The following NEK10 variants were observed in gnomAD, a reference collection of about 807,000 sequenced individuals.
The protein encoded by NEK10 is NIMA related kinase 10.
NEK10 carries 122 observed loss-of-function variants against 159.8 expected under a neutral mutation model. The observed-to-expected ratio is 0.76, with a 90% CI of 0.66 to 0.89. NEK10 has a LOEUF of 0.89. NEK10 is among the 40% of genes least tolerant of loss of function. The probability of loss-of-function intolerance (pLI) is 0.00; values close to 1 mark genes in which losing one functional copy is unlikely to be tolerated. For synonymous variants in NEK10, 466 were observed against 457.1 expected (o/e 1.02, Z -0.25); for missense variants, 1,342 against 1,323.1 (o/e 1.01, Z -0.22).
intron 9 of NEK10, chr3:27,310,651 G>A (rs2044618050): frequency 3.6e-6 from 1 of 277,274 alleles, no homozygotes; most frequent in South Asian, 1.1e-4. Context: ...CACCTAGGGT[G>A]TATTTATACA....
intron 1 of NEK10, among the ~76,000 whole-genome samples, chr3:27,365,610 G>GTTTTTTTTTTTTTTTTTTTTTTTGTTT (rs71091129): frequency 1.0e-5 from 1 of 99,106 alleles, no homozygotes; most frequent in African/African-American, 4.0e-5. Flanking sequence ...TTTTTTTTGT[G>GTTTTTTTTTTTTTTTTTTTTTTTGTTT]TTTTTTTTTT....
At chr3:27,337,772 T>A (rs2046915632) in intron 5 of NEK10, among the ~76,000 whole-genome samples, 4 of 152,132 alleles carry the variant, frequency 2.6e-5, no homozygotes, top group Admixed American at 2.6e-4. Flanking sequence ...ACTGGACCCC[T>A]ATCTCTCTCT....
At chr3:27,280,814 A>C (rs554127447) in intron 22 of NEK10, among the ~76,000 whole-genome samples, 1 of 152,214 alleles carries the variant, frequency 6.6e-6, no homozygotes, top group East Asian at 1.9e-4. Flanking sequence ...CCAGAAAGAC[A>C]GATAATACTA....
At position 27,249,348 on chromosome 3, in the gene NEK10, T is replaced by A. The variant is rs553506120; in HGVS notation, c.2090+6948A>T. On this transcript the variant is annotated intron_variant, in intron 23 of 35. Coordinates refer to ENST00000691995, the MANE Select transcript of NEK10 (RefSeq NM_001394966.1). ...ACAGACTAATACAATTATATTTTTG[T>A]CCATCTCTCTTTCTTTCACTCTAAT... Among the ~76,000 whole-genome samples the A allele has an allele frequency of 8.5e-5, 13 of 152,302 alleles. 1 individual carries two copies. The South Asian group carries it at 2.7e-3, about 32-fold the overall frequency.
At chr3:27,205,857 T>C (rs1184717967) in intron 23 of NEK10, among the ~76,000 whole-genome samples, 1 of 146,186 alleles carries the variant, frequency 6.8e-6, no homozygotes, top group Non-Finnish European at 1.5e-5. Flanking sequence ...AATTGACAAA[T>C]GGGATCTAAT....
intron 22 of NEK10, among the ~76,000 whole-genome samples, chr3:27,272,610 C>T (rs564121119): frequency 1.6e-4 from 25 of 152,188 alleles, no homozygotes; most frequent in African/African-American, 3.1e-4. Context: ...GAAGGTCTTC[C>T]GATTGCTATT....
At chr3:27,194,764 A>C (rs932468976) in intron 25 of NEK10, 1 of 152,236 alleles carries the variant, frequency 6.6e-6, no homozygotes, top group Non-Finnish European at 1.5e-5. Context: ...AGGCACAGAG[A>C]AAGAAAAATA....
chr3:27,308,042 T>TG, intron 10 of NEK10, 97 bp from the exon 11 acceptor site: 1 of 645,230 alleles, frequency 1.5e-6, no homozygotes, highest in Non-Finnish European at 2.8e-6. Context: ...TGCCTGAGAC[T>TG]GGGTGATTTA....
Position 27,202,483 on chromosome 3 carries a change from A to T in NEK10, c.2165T>A (p.Met722Lys). ...VWAVGCILYQ[M>K]ATLSPPFYST... ...GTAGAAGGGGGGACTCAAAGTCGCC[A>T]TCTGATAAAGGATGCAGCCTACTGC... Residue 722 changes from methionine (M) to lysine (K), a missense_variant, in exon 24 of 36, where the codon ATG becomes AAG. Coordinates refer to ENST00000691995, the MANE Select transcript of NEK10 (RefSeq NM_001394966.1). The T allele has an allele frequency of 6.2e-7, 1 of 1,613,690 alleles. No individual in the cohort carries two copies.
Position 27,268,957 on chromosome 3 carries a change from T to C in NEK10, c.2015-12586A>G, listed in dbSNP as rs530611517. The stretch of plus-strand genomic sequence containing the variant: ...TTAACAGGAGTTTGGAAGAAGTTGA[T>C]TACAACCCTTATGGATGACTTTGAA... On this transcript the variant is annotated intron_variant, in intron 22 of 35. Transcript: ENST00000691995. 1.0e-3 allele frequency among the ~76,000 whole-genome samples: 152 copies of C among 152,272 alleles called. 1 individual carries two copies. The highest frequency in any genetic ancestry group is 3.9e-3 in the Admixed American group (60 of 15,302).
chr3:27,286,784 A>G (rs2042649853), intron 20 of NEK10, among the ~76,000 whole-genome samples: 1 of 152,046 alleles, frequency 6.6e-6, no homozygotes, highest in African/African-American at 2.4e-5. Flanking sequence ...ACAAGTCTGA[A>G]GCCAACCTTG....
At chr3:27,166,228 T>C (rs1199473868) in intron 29 of NEK10, among the ~76,000 whole-genome samples, 1 of 152,196 alleles carries the variant, frequency 6.6e-6, no homozygotes. Flanking sequence ...TTATCTATAA[T>C]GTTAATAGAG....
chr3:27,203,218 C>T (rs11708844), intron 23 of NEK10, among the ~76,000 whole-genome samples: 35,736 of 152,052 alleles, frequency 0.24, 4,550 homozygotes, highest in Middle Eastern at 0.38. Flanking sequence ...ATACCTGTGA[C>T]TCTGAAGTTG....
chr3:27,280,912 G>GGTGTGT (rs148929788), intron 22 of NEK10, among the ~76,000 whole-genome samples: 13,183 of 137,632 alleles, frequency 0.096, 1,921 homozygotes, highest in African/African-American at 0.31. Context: ...ATGTACATAT[G>GGTGTGT]GTGTGTGTGT....
At chr3:27,334,549 C>T (rs1174655594) in intron 5 of NEK10, among the ~76,000 whole-genome samples, 1 of 152,156 alleles carries the variant, frequency 6.6e-6, no homozygotes, top group Non-Finnish European at 1.5e-5. Flanking sequence ...TACCTTGTGT[C>T]CCAGTCTCCA....
chr3:27,231,002 G>C (rs1011951718), intron 23 of NEK10, among the ~76,000 whole-genome samples: 2 of 151,848 alleles, frequency 1.3e-5, no homozygotes, highest in South Asian at 4.1e-4. Flanking sequence ...CTATATCCTA[G>C]AACAAATGGA....
intron 1 of NEK10, among the ~76,000 whole-genome samples, chr3:27,354,353 T>C (rs1308502439): frequency 2.6e-5 from 4 of 152,222 alleles, no homozygotes; most frequent in Admixed American, 2.0e-4. Context: ...AATAATGATC[T>C]AATCGTTATA....
rs914889942 is a variant in NEK10, at chr3:27,107,043, T to C, written c.*4229A>G. On this transcript the variant is annotated 3_prime_UTR_variant, in exon 36 of 36. Coordinates refer to ENST00000691995, the MANE Select transcript of NEK10 (RefSeq NM_001394966.1). The stretch of plus-strand genomic sequence containing the variant: ...ATTCAGTTTTGAATTAAGACTACAG[T>C]TCATTTACTTTTAGGATAAAGCAAT... Among the ~76,000 whole-genome samples, 3 of 152,118 alleles carry C rather than the reference T, an allele frequency of 2.0e-5. No homozygotes were observed. The highest frequency in any genetic ancestry group is 2.9e-5 in the Non-Finnish European group (2 of 68,030).
intron 22 of NEK10, 104 bp downstream of exon 22, chr3:27,284,498 A>G: frequency 1.4e-6 from 1 of 690,158 alleles, no homozygotes; most frequent in Non-Finnish European, 2.6e-6. Flanking sequence ...GACAGCATAG[A>G]CAAAGAACAT....
Sources: gnomAD v4.1 joint callset for allele counts (sites outside exome capture counted in the v4.1 genomes callset) on GRCh38, gnomAD v4.1.1 for gene constraint, MANE v1.5 for transcripts, NCBI Gene and HGNC (gene_info 2026-07-23, HGNC 2026-07-21) for gene names.